KDM2A: variants seen among roughly 807,000 people sequenced by gnomAD.
The protein encoded by KDM2A is lysine-specific demethylase 2A.
KDM2A carries 3 observed loss-of-function variants against 137.3 expected under a neutral mutation model. The ratio of observed to expected loss-of-function variants is 0.02; its 90% CI spans 0.01 to 0.06. KDM2A has a LOEUF of 0.06. Among genes scored for constraint, KDM2A ranks in the 10% least tolerant of loss-of-function variants. The pLI is 1.00. For synonymous variants in KDM2A, 512 were observed against 541.5 expected (o/e 0.95, Z 0.76); for missense variants, 738 against 1,510.6 (o/e 0.49, Z 8.48).
intron 2 of KDM2A, among the ~76,000 whole-genome samples, chr11:67,130,208 C>T (rs1855823105): frequency 6.6e-6 from 1 of 151,634 alleles, no homozygotes; most frequent in African/African-American, 2.4e-5. Context: ...CAAGAGAGAG[C>T]AGTTTTCTGG....
At chr11:67,213,196 A>G (rs896425872) in intron 6 of KDM2A, among the ~76,000 whole-genome samples, 5 of 152,234 alleles carry the variant, frequency 3.3e-5, no homozygotes, top group Admixed American at 3.3e-4. Flanking sequence ...AACTTTATGC[A>G]TTTGTCTCCA....
intron 9 of KDM2A, among the ~76,000 whole-genome samples, chr11:67,218,429 C>T (rs1858234997): frequency 6.6e-6 from 1 of 152,244 alleles, no homozygotes; most frequent in East Asian, 1.9e-4. Context: ...TAAATGAGAA[C>T]ACATGTAAAC....
At chr11:67,241,076 A>G (rs1463837416) in intron 12 of KDM2A, among the ~76,000 whole-genome samples, 1 of 152,188 alleles carries the variant, frequency 6.6e-6, no homozygotes, top group Non-Finnish European at 1.5e-5. Flanking sequence ...GTTTTGCTGA[A>G]AGTGGAAAGT....
intron 6 of KDM2A, among the ~76,000 whole-genome samples, chr11:67,214,230 A>G (rs1418725901): frequency 7.9e-4 from 12 of 15,250 alleles, no homozygotes; most frequent in South Asian, 3.3e-3. Context: ...TTTGAGACGG[A>G]GTCTTGCTCT....
chr11:67,167,331 G>C (rs937075920), intron 2 of KDM2A, among the ~76,000 whole-genome samples: 4 of 152,182 alleles, frequency 2.6e-5, no homozygotes, highest in African/African-American at 9.6e-5. Flanking sequence ...CAAGCACACT[G>C]AACAGTTGAT....
At chr11:67,251,658 C>T (rs1859432251) in intron 17 of KDM2A, among the ~76,000 whole-genome samples, 1 of 152,212 alleles carries the variant, frequency 6.6e-6, no homozygotes, top group Admixed American at 6.5e-5. Flanking sequence ...GCCCAGCAGT[C>T]TGCTTTAACA....
chr11:67,156,300 A>G (rs1366333175), intron 2 of KDM2A, among the ~76,000 whole-genome samples: 2 of 150,848 alleles, frequency 1.3e-5, no homozygotes, highest in Non-Finnish European at 2.9e-5. Context: ...ATATGAAAGT[A>G]TTGGCTGGGC....
intron 5 of KDM2A, among the ~76,000 whole-genome samples, chr11:67,188,790 C>CAA (rs1207477143): frequency 7.3e-4 from 54 of 73,708 alleles, no homozygotes; most frequent in African/African-American, 1.7e-3. Context: ...GACACTGTCT[C>CAA]AAAAAAAAAA....
At chr11:67,187,485 A>G (rs1857235940) in intron 5 of KDM2A, among the ~76,000 whole-genome samples, 1 of 152,160 alleles carries the variant, frequency 6.6e-6, no homozygotes, top group African/African-American at 2.4e-5. Context: ...ACAGTAACCA[A>G]AAGAGCAGGG....
chr11:67,245,959 T>C lies in KDM2A; in HGVS notation c.1834-26T>C. On this transcript the variant is annotated intron_variant, in intron 14 of 20. Transcript: ENST00000529006. The surrounding 1 kb of genome is among the most constrained non-coding windows in gnomAD (Gnocchi z 4.1). ...TGATAAAGATCTGAGTCAGTTCTCT[T>C]GGATTCTATCTTTGTCCTCTTGTAG... The C allele has an allele frequency of 6.2e-7, 1 of 1,612,976 alleles. No homozygotes were observed. The highest frequency in any genetic ancestry group is 8.5e-7 in the Non-Finnish European group (1 of 1,179,182).
intron 5 of KDM2A, among the ~76,000 whole-genome samples, chr11:67,188,374 CGGGA>C (rs1857259485): frequency 6.6e-6 from 1 of 150,428 alleles, no homozygotes; most frequent in Non-Finnish European, 1.5e-5. Context: ...CCCAGCGACT[CGGGA>C]GGCTGAGGCA....
intron 2 of KDM2A, among the ~76,000 whole-genome samples, chr11:67,126,707 C>CAA (rs765065960): frequency 1.7e-4 from 13 of 75,288 alleles, no homozygotes; most frequent in Admixed American, 3.2e-4. Flanking sequence ...GACTCCATTT[C>CAA]AAAAAAAAAA....
chr11:67,229,029 C>T (rs1858632117), intron 11 of KDM2A, among the ~76,000 whole-genome samples: 1 of 152,064 alleles, frequency 6.6e-6, no homozygotes, highest in African/African-American at 2.4e-5. Context: ...GCCCGGTTGT[C>T]TAATGCGTTT....
Position 67,194,383 on chromosome 11 carries a change from C to G in KDM2A, c.307+12491C>G, listed in dbSNP as rs191086872. 8.5e-5 allele frequency among the ~76,000 whole-genome samples: 13 copies of G among 152,284 alleles called. No homozygotes were observed. In the East Asian group the frequency reaches 2.1e-3, roughly 25 times the overall value. ...CAACCTTGGTAACTCAGATAAAAGT[C>G]TTTCTGAGGCGTAGGTCCTCCTGTG... On this transcript the variant is annotated intron_variant, in intron 5 of 20. Transcript: ENST00000529006.
intron 18 of KDM2A, among the ~76,000 whole-genome samples, 169 bp downstream of exon 18, chr11:67,253,026 T>G (rs1421003224): frequency 6.6e-6 from 1 of 152,142 alleles, no homozygotes; most frequent in Non-Finnish European, 1.5e-5. Context: ...TAAGTGTCAG[T>G]CTCCCAGGCA....
chr11:67,242,376 G>C (rs1285312765), intron 12 of KDM2A, among the ~76,000 whole-genome samples: 1 of 152,062 alleles, frequency 6.6e-6, no homozygotes, highest in Non-Finnish European at 1.5e-5. Context: ...AGAGCCCTGG[G>C]TTGAATCTGC....
chr11:67,132,006 G>A (rs1272013442), intron 2 of KDM2A: 1 of 152,190 alleles, frequency 6.6e-6, no homozygotes, highest in Non-Finnish European at 1.5e-5. Flanking sequence ...AAACCCTAAA[G>A]ATAAAAGGCA....
At position 67,140,431 on chromosome 11, in the gene KDM2A, A is replaced by G. The variant is rs555680337; in HGVS notation, c.42+19073A>G. ...GGAAGACCACCCTGAGCAACATAGC[A>G]AGACTGTCTCAAGAAAACCTTAAAA... On this transcript the variant is annotated intron_variant, in intron 2 of 20. Coordinates refer to ENST00000529006, the MANE Select transcript of KDM2A (RefSeq NM_012308.3). Among the ~76,000 whole-genome samples, 3 of 152,154 alleles carry G rather than the reference A, an allele frequency of 2.0e-5. No homozygotes were observed. The East Asian group carries it at 5.8e-4, about 29-fold the overall frequency.
Position 67,202,637 on chromosome 11 carries a change from ATGGTGGCAGGCACC to A in KDM2A, c.308-4870_308-4857del, listed in dbSNP as rs1278312445. 1.5e-4 allele frequency among the ~76,000 whole-genome samples: 22 copies of A among 151,208 alleles called. No individual in the cohort carries two copies. The South Asian group carries it at 4.6e-3, about 32-fold the overall frequency. On this transcript the variant is annotated intron_variant, in intron 5 of 20. Coordinates refer to ENST00000529006, the MANE Select transcript of KDM2A (RefSeq NM_012308.3). ...AATACAAAAAAAAAACTAGCCAGGC[ATGGTGGCAGGCACC>A]TGTAGTCCCAGCTACTCAGGAGGCT...
Sources: allele counts gnomAD v4.1 joint callset (sites outside exome capture counted in the v4.1 genomes callset), GRCh38; gene constraint gnomAD v4.1.1; non-coding constraint Gnocchi (gnomAD v3.1); transcripts MANE v1.5; gene names NCBI Gene and HGNC (gene_info 2026-07-23, HGNC 2026-07-21).